The following HDAC8 variants were observed in gnomAD, a reference collection of about 807,000 sequenced individuals.
HDAC8 encodes histone deacetylase-like 1.
Under a neutral mutation model 32.2 loss-of-function variants are expected in HDAC8, and 1 was observed. That is an observed-to-expected ratio of 0.03 (90% CI 0.01 to 0.15). The LOEUF is 0.15. Among genes scored for constraint, HDAC8 ranks in the 10% least tolerant of loss-of-function variants. The pLI is 1.00. For missense variants in HDAC8, 117 were observed against 300.0 expected (o/e 0.39, Z 4.51); for synonymous variants, 108 against 113.9 (o/e 0.95, Z 0.33).
At chrX:72,377,925 T>G (rs1297786454) in intron 9 of HDAC8, among the ~76,000 whole-genome samples, 1 of 110,798 alleles carries the variant, frequency 9.0e-6, no homozygotes, top group Non-Finnish European at 1.9e-5. Flanking sequence ...TAAATAGATA[T>G]CTTCCACTGT....
At chrX:72,525,893 T>C (rs1172498187) in intron 4 of HDAC8, among the ~76,000 whole-genome samples, 2 of 96,117 alleles carry the variant, frequency 2.1e-5, no homozygotes, top group Non-Finnish European at 4.1e-5. Flanking sequence ...ATCACAGCCA[T>C]CAAGTGACCC....
At chrX:72,384,905 A>T (rs1336051064) in intron 9 of HDAC8, among the ~76,000 whole-genome samples, 1 of 111,753 alleles carries the variant, frequency 8.9e-6, no homozygotes, top group Non-Finnish European at 1.9e-5. Context: ...TTCCCTTTTC[A>T]TTTAGATACC....
At chrX:72,461,801 A>G (rs782606087) in intron 9 of HDAC8, among the ~76,000 whole-genome samples, 12 of 112,001 alleles carry the variant, frequency 1.1e-4, no homozygotes, top group Non-Finnish European at 1.9e-4. Context: ...TTGGCCTTTG[A>G]GATCTCTTGT....
chrX:72,484,762 A>G (rs1352801073), intron 7 of HDAC8, among the ~76,000 whole-genome samples: 1 of 112,064 alleles, frequency 8.9e-6, no homozygotes, highest in African/African-American at 3.2e-5. Flanking sequence ...CCTACTATTT[A>G]TCAAAATCTC....
chrX:72,353,412 G>A (rs1019902702), intron 9 of HDAC8, among the ~76,000 whole-genome samples: 6 of 112,152 alleles, frequency 5.3e-5, no homozygotes, highest in Non-Finnish European at 1.1e-4. Context: ...CTTCCTGCTG[G>A]AGTTATTACT....
intron 9 of HDAC8, among the ~76,000 whole-genome samples, chrX:72,417,674 A>G (rs868930402): frequency 8.9e-6 from 1 of 112,158 alleles, no homozygotes; most frequent in African/African-American, 3.2e-5. Context: ...TGCTATTTCT[A>G]TCAAATTGCC....
chrX:72,530,444 G>GGT (rs1556035150), intron 4 of HDAC8, among the ~76,000 whole-genome samples: 2 of 80,183 alleles, frequency 2.5e-5, no homozygotes, highest in African/African-American at 8.9e-5. Flanking sequence ...TATTTTATGC[G>GGT]TTTTTTTTTT....
chrX:72,383,934 A>G (rs2045348121), intron 9 of HDAC8, among the ~76,000 whole-genome samples: 1 of 109,332 alleles, frequency 9.1e-6, no homozygotes, highest in African/African-American at 3.3e-5. Flanking sequence ...ATAAAGACAT[A>G]TATCTGCTGG....
intron 4 of HDAC8, among the ~76,000 whole-genome samples, chrX:72,554,030 G>T (rs2051183799): frequency 8.9e-6 from 1 of 111,972 alleles, no homozygotes; most frequent in Admixed American, 9.4e-5. Context: ...AAATCAATTA[G>T]AACAGTTAGA....
intron 4 of HDAC8, among the ~76,000 whole-genome samples, chrX:72,560,565 T>TAAAAAAAAAAAAAA (rs147846647): frequency 5.7e-4 from 20 of 35,218 alleles, no homozygotes; most frequent in Admixed American, 7.6e-4. Context: ...CAATAAATAC[T>TAAAAAAAAAAAAAA]AAAAAAAAAA....
At chrX:72,559,033 TCCCCCTCCCCCTCCCCCTCC>T (rs1556105612) in intron 4 of HDAC8, among the ~76,000 whole-genome samples, 2 of 13,679 alleles carry the variant, frequency 1.5e-4, no homozygotes, top group Admixed American at 7.6e-4. Flanking sequence ...ACCTAGCTTC[TCCCCCTCCCCCTCCCCCTCC>T]CCCCCTCCCC....
intron 5 of HDAC8, among the ~76,000 whole-genome samples, chrX:72,493,238 T>C (rs782612977): frequency 2.7e-5 from 3 of 111,264 alleles, no homozygotes; most frequent in Non-Finnish European, 3.8e-5. Context: ...GACATGCTCA[T>C]TGAGTAGTGT....
chrX:72,536,328 G>A (rs1556039281), intron 4 of HDAC8, among the ~76,000 whole-genome samples: 1 of 112,041 alleles, frequency 8.9e-6, no homozygotes, highest in Non-Finnish European at 1.9e-5. Context: ...GATAGAAACC[G>A]GGGTAGAAAC....
intron 1 of HDAC8, chrX:72,572,349 G>C: frequency 2.4e-6 from 1 of 416,177 alleles, no homozygotes; most frequent in East Asian, 4.0e-5. Flanking sequence ...CCTTCCCCCT[G>C]CAGCTTGTTT....
intron 4 of HDAC8, among the ~76,000 whole-genome samples, chrX:72,516,957 G>A (rs1420709351): frequency 1.8e-5 from 2 of 111,958 alleles, no homozygotes; most frequent in Admixed American, 9.5e-5. Context: ...AGCTTCTAAT[G>A]GATAATGGCG....
Position 72,329,687 on chromosome X carries a change from TG to T in HDAC8, c.*366del. ...GTCAGCTGCCTCCTGCCCTACAAACTGGTGACTGCTCTCATCCAGCTTCTGA... is the reference window on the plus strand; with the variant it reads ...GTCAGCTGCCTCCTGCCCTACAAACTGTGACTGCTCTCATCCAGCTTCTGA... On this transcript the variant is annotated 3_prime_UTR_variant, in exon 11 of 11. Transcript: ENST00000373573. 8.4e-7 allele frequency: 1 copy of T among 1,189,682 alleles called. No homozygotes were observed. Among genetic ancestry groups the T allele is most frequent in the Non-Finnish European group, 1.1e-6 (1 of 884,195 alleles).
chrX:72,414,604 T>C (rs1555971226), intron 9 of HDAC8, among the ~76,000 whole-genome samples: 1 of 112,044 alleles, frequency 8.9e-6, no homozygotes, highest in African/African-American at 3.3e-5. Flanking sequence ...AAGAATAATG[T>C]GTTAAAGAAA....
chrX:72,382,197 T>C (rs1198737400), intron 9 of HDAC8, among the ~76,000 whole-genome samples: 1 of 112,336 alleles, frequency 8.9e-6, no homozygotes, highest in Non-Finnish European at 1.9e-5. Context: ...CCGACATACT[T>C]TTCTCAGATG....
intron 9 of HDAC8, 52 bp from the exon 10 acceptor site, chrX:72,351,890 C>T: frequency 1.1e-6 from 1 of 882,256 alleles, no homozygotes. Flanking sequence ...ATAAAACCTC[C>T]AAACCAACCA....
Sources: gnomAD v4.1 joint callset for allele counts (sites outside exome capture counted in the v4.1 genomes callset) on GRCh38, gnomAD v4.1.1 for gene constraint, MANE v1.5 for transcripts, NCBI Gene and HGNC (gene_info 2026-07-23, HGNC 2026-07-21) for gene names.